The following MCU variants were observed in gnomAD, a reference collection of about 807,000 sequenced individuals.
The protein encoded by MCU is mitochondrial calcium uniporter, also known as calcium uniporter protein, mitochondrial.
A neutral mutation model predicts 45.2 loss-of-function variants in MCU; 12 were observed. The ratio of observed to expected loss-of-function variants is 0.27; its 90% CI spans 0.17 to 0.43. MCU has a LOEUF of 0.43. Ranked by LOEUF, MCU falls within the 20% of genes least tolerant of loss-of-function variation. The probability of loss-of-function intolerance (pLI) is 1.00; values close to 1 mark genes in which losing one functional copy is unlikely to be tolerated. For missense variants in MCU, 324 were observed against 436.7 expected (o/e 0.74, Z 2.30); for synonymous variants, 160 against 165.1 (o/e 0.97, Z 0.24).
chr10:72,832,535 GA>G (rs1844893087), intron 1 of MCU, among the ~76,000 whole-genome samples: 2 of 152,170 alleles, frequency 1.3e-5, no homozygotes, highest in Admixed American at 6.5e-5. Flanking sequence ...GGATCTGCAT[GA>G]AAACAACTTC....
intron 1 of MCU, among the ~76,000 whole-genome samples, chr10:72,775,402 A>G (rs2132743038): frequency 6.6e-6 from 1 of 152,274 alleles, no homozygotes; most frequent in South Asian, 2.1e-4. Context: ...CCTTACTAAG[A>G]GGGAAGTTTA....
At chr10:72,841,605 A>C (rs762349518) in intron 2 of MCU, among the ~76,000 whole-genome samples, 26 of 152,094 alleles carry the variant, frequency 1.7e-4, no homozygotes, top group Non-Finnish European at 3.5e-4. Context: ...ACCCCAAAAA[A>C]ATTTTTGACT....
chr10:72,878,594 A>T (rs1266725265), intron 6 of MCU, among the ~76,000 whole-genome samples: 1 of 152,256 alleles, frequency 6.6e-6, no homozygotes, highest in Admixed American at 6.5e-5. Context: ...AAGGTTGAGA[A>T]TATTGGCAGA....
intron 2 of MCU, among the ~76,000 whole-genome samples, chr10:72,845,411 T>C (rs1845106698): frequency 6.6e-6 from 1 of 152,204 alleles, no homozygotes; most frequent in Non-Finnish European, 1.5e-5. Context: ...TAAATTACGG[T>C]ATACAGTCAT....
At chr10:72,778,739 T>C (rs1843939463) in intron 1 of MCU, among the ~76,000 whole-genome samples, 1 of 151,884 alleles carries the variant, frequency 6.6e-6, no homozygotes, top group South Asian at 2.1e-4. Context: ...GACTAACTGG[T>C]CAAACTAGAT....
intron 1 of MCU, among the ~76,000 whole-genome samples, chr10:72,735,998 A>C (rs1843247522): frequency 6.6e-6 from 1 of 152,244 alleles, no homozygotes; most frequent in Non-Finnish European, 1.5e-5. Flanking sequence ...ATATTGCTCT[A>C]TTAAAACAGT....
intron 1 of MCU, chr10:72,715,017 T>C (rs1842941236): frequency 5.2e-6 from 1 of 193,488 alleles, no homozygotes; most frequent in African/African-American, 2.4e-5. Context: ...AGACTTTCTT[T>C]CTTCTTTGGC....
chr10:72,736,785 T>C (rs1348610145), intron 1 of MCU, among the ~76,000 whole-genome samples: 1 of 152,242 alleles, frequency 6.6e-6, no homozygotes, highest in African/African-American at 2.4e-5. Context: ...AGCTCAATAG[T>C]GCCCTTTTGA....
intron 1 of MCU, among the ~76,000 whole-genome samples, chr10:72,740,817 C>T (rs2132696402): frequency 6.6e-6 from 1 of 152,242 alleles, no homozygotes; most frequent in African/African-American, 2.4e-5. Flanking sequence ...TCCATTTAAT[C>T]CAATTGTGAC....
chr10:72,870,473 G>A (rs192079287), intron 5 of MCU, among the ~76,000 whole-genome samples: 150 of 152,104 alleles, frequency 9.9e-4, no homozygotes, highest in African/African-American at 3.0e-3. Flanking sequence ...TAGTAGAGAC[G>A]GGATTTCACC....
intron 6 of MCU, among the ~76,000 whole-genome samples, chr10:72,874,374 C>T (rs1400196977): frequency 1.3e-5 from 2 of 152,158 alleles, no homozygotes; most frequent in Non-Finnish European, 2.9e-5. Context: ...CTAGCACTCC[C>T]TTTAATATCA....
intron 1 of MCU, among the ~76,000 whole-genome samples, chr10:72,788,529 G>T (rs989697541): frequency 2.0e-5 from 3 of 152,202 alleles, no homozygotes; most frequent in African/African-American, 7.2e-5. Context: ...GGAACTCTGA[G>T]TCAGGAGAAT....
At chr10:72,739,640 C>T (rs1843298383) in intron 1 of MCU, among the ~76,000 whole-genome samples, 1 of 152,076 alleles carries the variant, frequency 6.6e-6, no homozygotes, top group Non-Finnish European at 1.5e-5. Flanking sequence ...GATTATTCAG[C>T]CTCTTTCCTC....
intron 1 of MCU, among the ~76,000 whole-genome samples, chr10:72,744,543 T>G (rs1371754980): frequency 9.2e-5 from 14 of 152,008 alleles, no homozygotes; most frequent in Non-Finnish European, 1.5e-5. Flanking sequence ...GGCAGGAAAA[T>G]TGCTTGAACC....
chr10:72,704,704 A>ACTTTTTTTTTTTTTTTTTT (rs1435890480), intron 1 of MCU, among the ~76,000 whole-genome samples: 1 of 106,746 alleles, frequency 9.4e-6, no homozygotes. Context: ...TGCCTGGATA[A>ACTTTTTTTTTTTTTTTTTT]TTTTTTTTTT....
chr10:72,795,066 C>G (rs541345977), intron 1 of MCU, among the ~76,000 whole-genome samples: 13 of 152,108 alleles, frequency 8.5e-5, no homozygotes, highest in African/African-American at 2.9e-4. Context: ...TTTATACCAC[C>G]TCTCTTCCAT....
chr10:72,822,762 G>T (rs1017870476), intron 1 of MCU, among the ~76,000 whole-genome samples: 1 of 152,088 alleles, frequency 6.6e-6, no homozygotes. Context: ...ATTGCTTAGA[G>T]CCCAGGAGGT....
intron 1 of MCU, among the ~76,000 whole-genome samples, chr10:72,743,017 T>TGA (rs1183096122): frequency 6.6e-6 from 1 of 151,248 alleles, no homozygotes; most frequent in African/African-American, 2.4e-5. Flanking sequence ...TGAGAGAGTA[T>TGA]GAGAGAGAGG....
chr10:72,868,916 A>G (rs1845499289), intron 5 of MCU, 53 bp downstream of exon 5: 2 of 1,557,340 alleles, frequency 1.3e-6, no homozygotes, highest in Non-Finnish European at 1.7e-6. Flanking sequence ...TTTCCAGAGC[A>G]TATATGTTTC....
Sources: gnomAD v4.1 joint callset for allele counts (sites outside exome capture counted in the v4.1 genomes callset) on GRCh38, gnomAD v4.1.1 for gene constraint, MANE v1.5 for transcripts, NCBI Gene and HGNC (gene_info 2026-07-23, HGNC 2026-07-21) for gene names.